Variants in CSMD1 observed in about 807,000 individuals in gnomAD.
CSMD1 encodes CUB and Sushi multiple domains 1.
Under a neutral mutation model 417.5 loss-of-function variants are expected in CSMD1, and 213 were observed. The ratio of observed to expected loss-of-function variants is 0.51; its 90% CI spans 0.46 to 0.57. The LOEUF (loss-of-function observed/expected upper bound fraction) is 0.57, where lower values mean the gene tolerates loss of function less well. Among genes scored for constraint, CSMD1 ranks in the 20% least tolerant of loss-of-function variants. The pLI is 0.00. For synonymous variants in CSMD1, 2,862 were observed against 1,736.8 expected, an observed-to-expected ratio of 1.65 and a Z score of -16.11; for missense variants, 6,923 against 4,529.7, an observed-to-expected ratio of 1.53 and a Z score of -15.17.
intron 2 of CSMD1, among the ~76,000 whole-genome samples, chr8:4,557,780 T>C (rs1369089380): frequency 6.6e-6 from 1 of 152,228 alleles, no homozygotes; most frequent in Non-Finnish European, 1.5e-5. Flanking sequence ...CACGTAAGTC[T>C]CCGTGCCCCA....
intron 1 of CSMD1, among the ~76,000 whole-genome samples, chr8:4,813,516 C>T (rs955720662): frequency 6.6e-6 from 1 of 152,136 alleles, no homozygotes; most frequent in Non-Finnish European, 1.5e-5. Context: ...TTATCCTAAG[C>T]ATAATGAGCA....
chr8:4,005,703 G>C (rs747610585), intron 4 of CSMD1, among the ~76,000 whole-genome samples: 4 of 152,298 alleles, frequency 2.6e-5, no homozygotes, highest in African/African-American at 9.6e-5. Flanking sequence ...GAACTTTCAA[G>C]ACTCCCTCAT....
chr8:3,844,732 T>G (rs1420264735), intron 5 of CSMD1, among the ~76,000 whole-genome samples: 1 of 152,156 alleles, frequency 6.6e-6, no homozygotes, highest in East Asian at 1.9e-4. Context: ...AATACAGATC[T>G]TCCTTGACAA....
Position 3,348,060 on chromosome 8 carries a change from T to C in CSMD1, c.3406A>G (p.Thr1136Ala), listed in dbSNP as rs780471292. 2 of 1,612,532 alleles carry C rather than the reference T, an allele frequency of 1.2e-6. No homozygotes were observed. Among genetic ancestry groups the C allele is most frequent in the East Asian group, 2.2e-5 (1 of 44,796 alleles). ...NNHECIYKIE[T>A]EAGKGIHLRT... ...AGGTGGATGCCCTTGCCGGCTTCTG[T>C]TTCTATTTTATAGATACACTCATGG... The change falls in exon 22 of 70, where the codon ACA becomes GCA. Residue 1136 changes from threonine (T) to alanine (A), a missense_variant. Coordinates refer to ENST00000635120, the MANE Select transcript of CSMD1 (RefSeq NM_033225.6).
At chr8:4,919,664 C>T (rs1231352506) in intron 1 of CSMD1, among the ~76,000 whole-genome samples, 1 of 152,162 alleles carries the variant, frequency 6.6e-6, no homozygotes, top group African/African-American at 2.4e-5. Context: ...CATTGTACTA[C>T]TAATTAACAT....
intron 2 of CSMD1, among the ~76,000 whole-genome samples, chr8:4,586,356 C>G (rs1489935132): frequency 6.6e-6 from 1 of 152,190 alleles, no homozygotes; most frequent in East Asian, 1.9e-4. Flanking sequence ...ATAGATTTCT[C>G]TCACAGAGTG....
intron 26 of CSMD1, among the ~76,000 whole-genome samples, chr8:3,246,030 G>A (rs1353018193): frequency 1.3e-5 from 2 of 152,006 alleles, no homozygotes; most frequent in South Asian, 2.1e-4. Flanking sequence ...TTCCCCCAAC[G>A]CACTTGCCCG....
intron 5 of CSMD1, among the ~76,000 whole-genome samples, chr8:3,976,471 C>CT (rs2130133867): frequency 6.6e-6 from 1 of 152,194 alleles, no homozygotes. Flanking sequence ...TCTCCCGGGT[C>CT]TAGAAGTGTG....
intron 64 of CSMD1, among the ~76,000 whole-genome samples, chr8:2,955,118 A>G (rs758277985): frequency 2.6e-5 from 4 of 152,258 alleles, no homozygotes; most frequent in Non-Finnish European, 4.4e-5. Context: ...AGCAGAATCA[A>G]TGTCAGGGAC....
At chr8:3,909,511 A>T (rs1808319250) in intron 5 of CSMD1, among the ~76,000 whole-genome samples, 1 of 152,110 alleles carries the variant, frequency 6.6e-6, no homozygotes, top group South Asian at 2.1e-4. Flanking sequence ...AGAAGCAGGA[A>T]TGTTCCCACA....
At chr8:4,834,943 C>T (rs755236097) in intron 1 of CSMD1, among the ~76,000 whole-genome samples, 10 of 99,788 alleles carry the variant, frequency 1.0e-4, no homozygotes, top group South Asian at 4.0e-4. Flanking sequence ...GGCGACAGGG[C>T]CAGACTCCAT....
chr8:4,391,216 A>T (rs1803829349), intron 3 of CSMD1, among the ~76,000 whole-genome samples: 1 of 152,168 alleles, frequency 6.6e-6, no homozygotes, highest in Non-Finnish European at 1.5e-5. Flanking sequence ...TTCATGCAGT[A>T]AGAAGCACTG....
chr8:4,423,385 C>T (rs1402622537), intron 2 of CSMD1, among the ~76,000 whole-genome samples: 1 of 151,932 alleles, frequency 6.6e-6, no homozygotes, highest in Non-Finnish European at 1.5e-5. Flanking sequence ...AATGAACATA[C>T]AAAAATCTAT....
chr8:4,153,173 GA>G (rs1796660152), intron 3 of CSMD1, among the ~76,000 whole-genome samples: 1 of 152,178 alleles, frequency 6.6e-6, no homozygotes, highest in African/African-American at 2.4e-5. Context: ...CCAGGAATAA[GA>G]TAAGCAGAGC....
chr8:4,611,346 C>T (rs1585328408), intron 2 of CSMD1, among the ~76,000 whole-genome samples: 1 of 152,198 alleles, frequency 6.6e-6, no homozygotes, highest in South Asian at 2.1e-4. Context: ...AAGCTCACTT[C>T]ATGGTTATCC....
rs550475700 is a variant in CSMD1 at position 4,440,548 on chromosome 8, T to G, written c.303-20483A>C. Among the ~76,000 whole-genome samples the G allele has an allele frequency of 3.3e-5, 5 of 152,296 alleles. No individual in the cohort carries two copies. In the East Asian group the frequency reaches 7.7e-4, roughly 24 times the overall value. ...ACATGTACAGATAACATTGCTGACA[T>G]GCATATCTATATGTAATTTTCAAAG... On this transcript the variant is annotated intron_variant, in intron 2 of 69. Transcript: ENST00000635120.
At chr8:3,970,997 C>G (rs1031969058) in intron 5 of CSMD1, among the ~76,000 whole-genome samples, 5 of 152,054 alleles carry the variant, frequency 3.3e-5, no homozygotes, top group Non-Finnish European at 5.9e-5. Context: ...GTGATCCCCC[C>G]GCCTCAGACT....
chr8:3,052,674 C>A, intron 49 of CSMD1, 27 bp from the exon 50 acceptor site: 3 of 1,475,204 alleles, frequency 2.0e-6, no homozygotes, highest in Non-Finnish European at 2.7e-6. Context: ...CAAATGTAGG[C>A]TTATTCTTAC....
intron 7 of CSMD1, among the ~76,000 whole-genome samples, chr8:3,677,145 T>A (rs925387368): frequency 6.6e-5 from 10 of 152,032 alleles, no homozygotes; most frequent in African/African-American, 2.4e-4. Context: ...ATTCTGCACA[T>A]GTAACCCAGA....
Sources: gnomAD v4.1 joint callset for allele counts (sites outside exome capture counted in the v4.1 genomes callset) on GRCh38, gnomAD v4.1.1 for gene constraint, MANE v1.5 for transcripts, NCBI Gene and HGNC (gene_info 2026-07-23, HGNC 2026-07-21) for gene names.